The following SSH1 variants were observed in gnomAD, a reference collection of about 807,000 sequenced individuals.
The protein encoded by SSH1 is slingshot protein phosphatase 1, also known as protein phosphatase Slingshot homolog 1.
A neutral mutation model predicts 79.7 loss-of-function variants in SSH1; 43 were observed. That is an observed-to-expected ratio of 0.54 (90% CI 0.42 to 0.70). The LOEUF is 0.70. Among genes scored for constraint, SSH1 ranks in the 30% least tolerant of loss-of-function variants. SSH1 has a pLI of 0.00. For missense variants in SSH1, 1,206 were observed against 1,358.8 expected, an observed-to-expected ratio of 0.89 and a Z score of 1.77; for synonymous variants, 599 against 538.3, an observed-to-expected ratio of 1.11 and a Z score of -1.56.
At chr12:108,805,333 A>ATGTATGTTGCGTGT in intron 9 of SSH1, 149 bp from the exon 10 acceptor site, 5 of 798,166 alleles carry the variant, frequency 6.3e-6, no homozygotes, top group African/African-American at 3.4e-5. Flanking sequence ...AGATACACGC[A>ATGTATGTTGCGTGT]ACATACATGC....
intron 2 of SSH1, among the ~76,000 whole-genome samples, chr12:108,841,848 A>G (rs887364476): frequency 6.7e-5 from 10 of 149,306 alleles, no homozygotes; most frequent in South Asian, 2.1e-4. Flanking sequence ...GTGTGTATAT[A>G]TATATATATA....
At chr12:108,803,420 A>G (rs192228160) in intron 10 of SSH1, among the ~76,000 whole-genome samples, 2 of 152,210 alleles carry the variant, frequency 1.3e-5, no homozygotes, top group Admixed American at 1.3e-4. Context: ...TGCAAACAAC[A>G]TAGTATCATA....
At chr12:108,827,247 G>C (rs1190833715) in intron 2 of SSH1, 1 of 1,541,080 alleles carries the variant, frequency 6.5e-7, no homozygotes, top group East Asian at 2.5e-5. Context: ...CCAGTAATCA[G>C]GGTGGTCATA....
At position 108,785,677 on chromosome 12, in the gene SSH1, C is replaced by T. The variant is rs2036252484; in HGVS notation, c.*2311G>A. The T allele has an allele frequency of 6.6e-6, 1 of 152,094 alleles. No homozygotes were observed. The highest frequency in any genetic ancestry group is 2.4e-5 in the African/African-American group (1 of 41,396). 9.4% of individuals were successfully genotyped at this position (152,094 alleles called of 1,614,324 possible). A position where few individuals can be genotyped will look rare whatever the true frequency, so the allele number is the denominator to read the frequency against. On this transcript the variant is annotated 3_prime_UTR_variant, in exon 15 of 15. Coordinates refer to ENST00000326495, the MANE Select transcript of SSH1 (RefSeq NM_018984.4). ...ACTCTCCAGATTCCACACCCCACCC[C>T]CCAACTCTTTAGATAAGAAAAATTA...
intron 3 of SSH1, among the ~76,000 whole-genome samples, chr12:108,822,348 A>T (rs11114064): frequency 6.6e-6 from 1 of 151,842 alleles, no homozygotes; most frequent in Non-Finnish European, 1.5e-5. Context: ...TGTTCGGGTT[A>T]GTCTGGAACT....
rs17855126 is a variant in SSH1 at position 108,788,333 on chromosome 12, G to A, written c.2805C>T (p.Ser935=). 5 of 1,613,182 alleles carry A rather than the reference G, an allele frequency of 3.1e-6. No individual in the cohort carries two copies. In the African/African-American group the frequency reaches 4.0e-5, roughly 13 times the overall value. The change falls in exon 15 of 15, where the codon AGC becomes AGT. Residue 935 remains serine, a synonymous_variant. Transcript: ENST00000326495. ...CACTGTGGATGCTATCGCTGCTGGA[G>A]CTCCGGGTCAGGTTGGAGCTCATGG... is the stretch of plus-strand genomic sequence containing the variant. The part of the protein sequence containing the change: ...SSSMSSNLTR[S]SSSDSIHSVR...
At chr12:108,848,949 G>A (rs1418321413) in intron 2 of SSH1, among the ~76,000 whole-genome samples, 1 of 152,136 alleles carries the variant, frequency 6.6e-6, no homozygotes, top group African/African-American at 2.4e-5. Flanking sequence ...TGCTGGCCCT[G>A]GCGCTGCTGC....
intron 2 of SSH1, among the ~76,000 whole-genome samples, chr12:108,843,427 C>T (rs982342271): frequency 9.2e-5 from 14 of 152,150 alleles, no homozygotes; most frequent in African/African-American, 3.1e-4. Flanking sequence ...GGGTGGCTCA[C>T]GGTCTAGTGG....
At chr12:108,795,397 A>G (rs1299369742) in intron 13 of SSH1, among the ~76,000 whole-genome samples, 2 of 152,022 alleles carry the variant, frequency 1.3e-5, no homozygotes, top group Admixed American at 6.5e-5. Flanking sequence ...TTACAGGCAC[A>G]CGCCACCACA....
At chr12:108,826,378 C>G (rs1332783046) in intron 2 of SSH1, 1 of 319,792 alleles carries the variant, frequency 3.1e-6, no homozygotes, top group African/African-American at 2.2e-5. Context: ...TCTGTTCCCC[C>G]ACGACAATCA....
Position 108,798,817 on chromosome 12 carries a change from T to C in SSH1, c.1349+183A>G, listed in dbSNP as rs1237310697. ...ACAGATCCCTCCTGGAAACCACTCA[T>C]CAAAGCCCAAACAATAGTTGTTTTT... On this transcript the variant is annotated intron_variant, in intron 13 of 14. Transcript: ENST00000326495. Among the ~76,000 whole-genome samples, 1 of 152,180 alleles carries C rather than the reference T, an allele frequency of 6.6e-6. No individual in the cohort carries two copies. The highest frequency in any genetic ancestry group is 1.5e-5 in the Non-Finnish European group (1 of 68,018).
At position 108,807,370 on chromosome 12, in the gene SSH1, G is replaced by A. The variant is rs1281497260; in HGVS notation, c.731+263C>T. Among the ~76,000 whole-genome samples, 1 of 152,070 alleles carries A rather than the reference G, an allele frequency of 6.6e-6. No homozygotes were observed. Among genetic ancestry groups the A allele is most frequent in the East Asian group, 1.9e-4 (1 of 5,192 alleles). On this transcript the variant is annotated intron_variant, in intron 8 of 14. Coordinates refer to ENST00000326495, the MANE Select transcript of SSH1 (RefSeq NM_018984.4). The surrounding 1 kb of genome is among the most constrained non-coding windows in gnomAD (Gnocchi z 5.2). Reference sequence around the variant, plus strand: ...ACACATTCCTTTGAGAGTCTGATGGGAGTTACGGACCCCGTCCCCAGAAAT... The same window carrying A: ...ACACATTCCTTTGAGAGTCTGATGGAAGTTACGGACCCCGTCCCCAGAAAT...
intron 3 of SSH1, among the ~76,000 whole-genome samples, chr12:108,819,227 T>C (rs2038021327): frequency 6.6e-6 from 1 of 152,238 alleles, no homozygotes; most frequent in African/African-American, 2.4e-5. Flanking sequence ...AAAAATTATG[T>C]ACTCTTTTTT....
intron 10 of SSH1, among the ~76,000 whole-genome samples, chr12:108,802,680 T>TG (rs71443819): frequency 0.017 from 2,591 of 149,252 alleles, 35 homozygotes; most frequent in South Asian, 0.059. Flanking sequence ...AAGAGTCCAG[T>TG]GGGGGGGGGT....
chr12:108,792,018 G>A (rs796645150), intron 14 of SSH1: 13 of 1,409,274 alleles, frequency 9.2e-6, no homozygotes, highest in African/African-American at 4.3e-5. Context: ...ATGGGGTGAA[G>A]ATGGTGTGCA....
chr12:108,788,459 G>A lies in SSH1; in HGVS notation c.2679C>T (p.Gly893=), dbSNP rs766027959. The change falls in exon 15 of 15, where the codon GGC becomes GGT. Residue 893 remains glycine, a synonymous_variant. Coordinates refer to ENST00000326495, the MANE Select transcript of SSH1 (RefSeq NM_018984.4). The stretch of plus-strand genomic sequence containing the variant: ...AGAAAGGAGGGGGGCTCTTCAGTGA[G>A]CCTCCTTCCAATGAAGCGGGGGCGG... ...SEAAPASLEG[G]SLKSPPPFFY... 7.5e-5 allele frequency: 117 copies of A among 1,563,212 alleles called. No homozygotes were observed. The highest frequency in any genetic ancestry group is 1.3e-4 in the East Asian group (6 of 44,518).
At chr12:108,806,169 C>G (rs919851319) in intron 9 of SSH1, 132 bp downstream of exon 9, 9 of 871,108 alleles carry the variant, frequency 1.0e-5, no homozygotes, top group Non-Finnish European at 1.8e-5. Context: ...CAGAAAAAAG[C>G]CTCCGGGGGC....
chr12:108,811,369 C>T, intron 5 of SSH1, 41 bp from the exon 6 acceptor site: 1 of 1,594,446 alleles, frequency 6.3e-7, no homozygotes, highest in Non-Finnish European at 8.6e-7. Context: ...CAGCGTCTAC[C>T]CACCTACGTG....
intron 5 of SSH1, chr12:108,811,725 A>G (rs2037613844): frequency 3.0e-6 from 1 of 328,106 alleles, no homozygotes; most frequent in African/African-American, 2.1e-5. Flanking sequence ...CCCGGAGCTC[A>G]CTTTCAGACC....
Sources: gnomAD v4.1 joint callset for allele counts (sites outside exome capture counted in the v4.1 genomes callset) on GRCh38, gnomAD v4.1.1 for gene constraint, Gnocchi (gnomAD v3.1) non-coding constraint, MANE v1.5 for transcripts, NCBI Gene and HGNC (gene_info 2026-07-23, HGNC 2026-07-21) for gene names.